Variants in FER1L6 observed in about 807,000 individuals in gnomAD.
FER1L6 encodes fer-1 like family member 6, also known as fer-1-like protein 6.
In FER1L6, 177 loss-of-function variants were observed where a neutral mutation model predicts 219.2. That is an observed-to-expected ratio of 0.81 (90% CI 0.71 to 0.91). The LOEUF is 0.91. FER1L6 is among the 40% of genes least tolerant of loss of function. FER1L6 has a pLI of 0.00. For synonymous variants in FER1L6, 768 were observed against 824.3 expected, an observed-to-expected ratio of 0.93 and a Z score of 1.17; for missense variants, 2,153 against 2,259.9, an observed-to-expected ratio of 0.95 and a Z score of 0.96.
chr8:124,040,421 C>T (rs972458058), intron 20 of FER1L6: 9 of 231,452 alleles, frequency 3.9e-5, no homozygotes, highest in South Asian at 1.3e-4. Context: ...GGTCAAGATG[C>T]GCTAGACTTT....
Position 124,079,177 on chromosome 8 carries a change from C to T in FER1L6, c.4220+2852C>T, listed in dbSNP as rs1444414346. The stretch of plus-strand genomic sequence containing the variant: ...TTTTCCTCTTTACAAAGACACCAGT[C>T]ATATTGCATTACAGCCCATCCTAAT... On this transcript the variant is annotated intron_variant, in intron 32 of 40. Coordinates refer to ENST00000522917, the MANE Select transcript of FER1L6 (RefSeq NM_001039112.2). Among the ~76,000 whole-genome samples, 3 of 152,188 alleles carry T rather than the reference C, an allele frequency of 2.0e-5. No individual in the cohort carries two copies. In the East Asian group the frequency reaches 5.8e-4, roughly 29 times the overall value.
intron 1 of FER1L6, among the ~76,000 whole-genome samples, chr8:123,905,369 T>G (rs368609127): frequency 1.3e-5 from 2 of 152,238 alleles, no homozygotes; most frequent in African/African-American, 2.4e-5. Flanking sequence ...CTAAGGATTA[T>G]GGCTTCCAGC....
At chr8:123,993,387 A>C (rs1816958167) in intron 12 of FER1L6, among the ~76,000 whole-genome samples, 1 of 147,664 alleles carries the variant, frequency 6.8e-6, no homozygotes, top group African/African-American at 2.5e-5. Flanking sequence ...GCTTGCAGTG[A>C]GCCGAGATCC....
chr8:123,911,736 A>T (rs1055423574), intron 1 of FER1L6, among the ~76,000 whole-genome samples: 1 of 152,164 alleles, frequency 6.6e-6, no homozygotes, highest in Non-Finnish European at 1.5e-5. Flanking sequence ...GTCCGAGAGC[A>T]TGCAGCTAGT....
chr8:124,003,422 TTCAGTTCTTCACTAAAATCAGAAATG>T (rs1817508157), intron 13 of FER1L6, 75 bp downstream of exon 13: 1 of 918,306 alleles, frequency 1.1e-6, no homozygotes, highest in East Asian at 2.6e-5. Flanking sequence ...GACTGTTTTC[TTCAGTTCTTCACTAAAATCAGAAATG>T]TCCTTTTTTT....
rs754560499 is a variant in FER1L6, at chr8:124,091,527, T to C, written c.4496T>C (p.Ile1499Thr). The C allele has an allele frequency of 6.2e-7, 1 of 1,613,792 alleles. No individual in the cohort carries two copies. Among genetic ancestry groups the C allele is most frequent in the African/African-American group, 1.3e-5 (1 of 74,898 alleles). The part of the protein sequence containing the change: ...LDGPYFHPGK[I>T]QIGNQVFSGK... ...GGACCCTACTTTCACCCTGGGAAAA[T>C]ACAGATAGGAAACCAAGTCTTTTCT... The change falls in exon 34 of 41, where the codon ATA (isoleucine) becomes ACA (threonine). Residue 1499 changes from isoleucine (I) to threonine (T), a missense_variant. Ile to Thr is a moderately conservative substitution (Grantham distance 89). Transcript: ENST00000522917.
rs1190280555 is a variant in FER1L6 at position 123,941,770 on chromosome 8, G to A, written c.-7-14222G>A. 3.3e-5 allele frequency among the ~76,000 whole-genome samples: 5 copies of A among 152,186 alleles called. No individual in the cohort carries two copies. In the East Asian group the frequency reaches 9.6e-4, roughly 29 times the overall value. ...GAGTTATTGAACTCTGATAAGAGTT[G>A]CCATGAGATCTTGTTTTTGTGAAGA... On this transcript the variant is annotated intron_variant, in intron 1 of 40. Coordinates refer to ENST00000522917, the MANE Select transcript of FER1L6 (RefSeq NM_001039112.2).
At chr8:124,048,898 T>C (rs1819856176) in intron 21 of FER1L6, among the ~76,000 whole-genome samples, 1 of 152,194 alleles carries the variant, frequency 6.6e-6, no homozygotes. Flanking sequence ...TTGGAATGTT[T>C]GCTGCCGCCT....
chr8:123,893,326 G>A (rs149962386), intron 1 of FER1L6, among the ~76,000 whole-genome samples: 3 of 152,168 alleles, frequency 2.0e-5, no homozygotes, highest in Admixed American at 1.3e-4. Context: ...TGTTTACAAC[G>A]ATTGCTAACC....
At chr8:123,982,742 T>A (rs1024644238) in intron 11 of FER1L6, among the ~76,000 whole-genome samples, 1 of 152,214 alleles carries the variant, frequency 6.6e-6, no homozygotes, top group East Asian at 1.9e-4. Flanking sequence ...GCTGTCATGA[T>A]CTGAAGGTTT....
At position 124,069,564 on chromosome 8, in the gene FER1L6, G is replaced by A. The variant is rs955426669; in HGVS notation, c.3834+89G>A. 3.8e-5 allele frequency: 33 copies of A among 862,226 alleles called. No homozygotes were observed. The African/African-American group carries it at 4.2e-4, about 11-fold the overall frequency. 53.4% of individuals were successfully genotyped at this position (862,226 alleles called of 1,614,324 possible). On this transcript the variant is annotated intron_variant, in intron 29 of 40. Transcript: ENST00000522917. ...CAGTGCTTTGGTCAACCCTAGTCATGCCTTTGTTTGATATTTTGTCTTCAT... is the reference window on the plus strand; with the variant it reads ...CAGTGCTTTGGTCAACCCTAGTCATACCTTTGTTTGATATTTTGTCTTCAT...
At chr8:124,048,450 A>T (rs966340590) in intron 21 of FER1L6, among the ~76,000 whole-genome samples, 2 of 152,218 alleles carry the variant, frequency 1.3e-5, no homozygotes, top group African/African-American at 4.8e-5. Context: ...GCGCAGCCCC[A>T]TGCTGCCTCT....
At chr8:124,038,058 A>C (rs1344768082) in intron 19 of FER1L6, among the ~76,000 whole-genome samples, 2 of 152,076 alleles carry the variant, frequency 1.3e-5, no homozygotes, top group African/African-American at 4.8e-5. Context: ...AGAGTTTCCG[A>C]TTGCCTCGTT....
intron 1 of FER1L6, among the ~76,000 whole-genome samples, chr8:123,932,842 C>T (rs1339787706): frequency 1.3e-5 from 2 of 152,186 alleles, no homozygotes; most frequent in Non-Finnish European, 2.9e-5. Flanking sequence ...ATAAATTCTA[C>T]CCTTCAGGAG....
At chr8:124,115,538 T>C (rs1287318453) in intron 39 of FER1L6, among the ~76,000 whole-genome samples, 1 of 152,170 alleles carries the variant, frequency 6.6e-6, no homozygotes, top group Non-Finnish European at 1.5e-5. Context: ...TTTCTTTGCA[T>C]TGATTTTCCT....
intron 1 of FER1L6, among the ~76,000 whole-genome samples, chr8:123,908,052 C>T (rs531192861): frequency 2.0e-5 from 3 of 152,070 alleles, no homozygotes; most frequent in African/African-American, 7.2e-5. Context: ...GTCCCAGAAC[C>T]AAGCACCATA....
At chr8:123,867,115 G>C (rs1816850573) in intron 1 of FER1L6, among the ~76,000 whole-genome samples, 1 of 152,096 alleles carries the variant, frequency 6.6e-6, no homozygotes. Flanking sequence ...GTGCTCTTGG[G>C]GTCCTGTCTG....
Position 124,111,484 on chromosome 8 carries a change from T to G in FER1L6, c.5290-7360T>G, listed in dbSNP as rs1823021661. Among the ~76,000 whole-genome samples, 1 of 152,176 alleles carries G rather than the reference T, an allele frequency of 6.6e-6. No individual in the cohort carries two copies. Among genetic ancestry groups the G allele is most frequent in the Non-Finnish European group, 1.5e-5 (1 of 68,030 alleles). ...CTCTTGCATCTTGGGCAAGAAGGAA[T>G]TCAGGGCAAGTCTGTAAAGAGAAAG... is the stretch of plus-strand genomic sequence containing the variant. On this transcript the variant is annotated intron_variant, in intron 39 of 40. Coordinates refer to ENST00000522917, the MANE Select transcript of FER1L6 (RefSeq NM_001039112.2). The surrounding 1 kb of genome is among the most constrained non-coding windows in gnomAD (Gnocchi z 5.0).
At chr8:123,885,839 A>C (rs1817191851) in intron 1 of FER1L6, among the ~76,000 whole-genome samples, 5 of 152,162 alleles carry the variant, frequency 3.3e-5, no homozygotes, top group Admixed American at 3.3e-4. Flanking sequence ...CTTAGCCAGG[A>C]TGTGGCCATG....
Sources: allele counts gnomAD v4.1 joint callset (sites outside exome capture counted in the v4.1 genomes callset), GRCh38; gene constraint gnomAD v4.1.1; non-coding constraint Gnocchi (gnomAD v3.1); transcripts MANE v1.5; gene names NCBI Gene and HGNC (gene_info 2026-07-23, HGNC 2026-07-21).